TMEM164: variants seen among roughly 807,000 people sequenced by gnomAD.
TMEM164 encodes the protein transmembrane protein 164, also known as RP13-360B22.2.
In TMEM164, 4 loss-of-function variants were observed where a neutral mutation model predicts 18.8. That is an observed-to-expected ratio of 0.21 (90% CI 0.10 to 0.49). The LOEUF (loss-of-function observed/expected upper bound fraction) is 0.49. Among genes scored for constraint, TMEM164 ranks in the 20% least tolerant of loss-of-function variants. The pLI is 0.98. For synonymous variants in TMEM164, 86 were observed against 101.7 expected (o/e 0.85, Z 0.93); for missense variants, 108 against 239.9 (o/e 0.45, Z 3.63).
At chrX:110,004,220 T>C (rs2147653123) in intron 2 of TMEM164, 56 bp downstream of exon 2, 1 of 1,132,172 alleles carries the variant, frequency 8.8e-7, no homozygotes, top group Non-Finnish European at 1.2e-6. Context: ...ATTTATGTGC[T>C]CAGGACACTC....
chrX:110,074,204 T>C (rs2065638371), intron 3 of TMEM164, among the ~76,000 whole-genome samples: 1 of 111,689 alleles, frequency 9.0e-6, no homozygotes, highest in African/African-American at 3.3e-5. Flanking sequence ...TGCATTTCTC[T>C]GTTAGTGATA....
At chrX:110,087,595 A>G (rs1297230927) in intron 3 of TMEM164, among the ~76,000 whole-genome samples, 1 of 111,359 alleles carries the variant, frequency 9.0e-6, no homozygotes, top group African/African-American at 3.3e-5. Context: ...TGTATGTATC[A>G]AGGGTGGGGG....
chrX:110,105,478 AC>A (rs2066176091), intron 3 of TMEM164, among the ~76,000 whole-genome samples: 1 of 109,012 alleles, frequency 9.2e-6, no homozygotes, highest in Non-Finnish European at 1.9e-5. Context: ...TAAAGTTAAA[AC>A]AAAGGCCTCT....
At chrX:110,156,542 G>A (rs1602724538) in intron 5 of TMEM164, among the ~76,000 whole-genome samples, 2 of 111,693 alleles carry the variant, frequency 1.8e-5, no homozygotes, top group Non-Finnish European at 3.8e-5. Context: ...ATCATTAACT[G>A]AGAAGAGGGC....
At chrX:110,029,760 G>C (rs1018747774) in intron 2 of TMEM164, among the ~76,000 whole-genome samples, 11 of 111,105 alleles carry the variant, frequency 9.9e-5, no homozygotes, top group Admixed American at 7.7e-4. Context: ...TTATTTTCAT[G>C]CTCTGTTAGG....
intron 4 of TMEM164, among the ~76,000 whole-genome samples, chrX:110,114,639 A>C (rs942392484): frequency 1.4e-4 from 16 of 111,432 alleles, no homozygotes; most frequent in African/African-American, 4.9e-4. Context: ...TCTGCTTTTC[A>C]CCCTCTAACC....
chrX:110,022,215 G>C (rs1460208958), intron 2 of TMEM164, among the ~76,000 whole-genome samples: 5 of 111,829 alleles, frequency 4.5e-5, no homozygotes, highest in Non-Finnish European at 7.5e-5. Context: ...GTGTGTGTGT[G>C]TGTGTATTGA....
At chrX:110,090,602 A>T (rs1163297658) in intron 3 of TMEM164, among the ~76,000 whole-genome samples, 2 of 112,052 alleles carry the variant, frequency 1.8e-5, no homozygotes, top group Non-Finnish European at 3.8e-5. Flanking sequence ...GGCGTGAGCC[A>T]CTGCACCTGG....
intron 3 of TMEM164, among the ~76,000 whole-genome samples, chrX:110,073,141 C>T (rs988264955): frequency 9.0e-6 from 1 of 111,583 alleles, no homozygotes. Flanking sequence ...AAGTGATCCT[C>T]CTGCCTCAGC....
intron 2 of TMEM164, chrX:110,020,804 T>C (rs906724049): frequency 1.7e-5 from 8 of 462,043 alleles, no homozygotes; most frequent in Non-Finnish European, 2.1e-5. Flanking sequence ...ATACAGAACA[T>C]TGGGAAACAA....
chrX:110,167,940 G>A (rs1275758499), intron 5 of TMEM164, among the ~76,000 whole-genome samples: 2 of 112,064 alleles, frequency 1.8e-5, no homozygotes, highest in Non-Finnish European at 3.8e-5. Context: ...TCTGCAGCAT[G>A]GGGCAAGACG....
intron 2 of TMEM164, among the ~76,000 whole-genome samples, chrX:110,032,896 A>C (rs1250455165): frequency 8.9e-6 from 1 of 112,226 alleles, no homozygotes; most frequent in East Asian, 2.8e-4. Flanking sequence ...ATGGAAGATT[A>C]TGGCCAATTT....
intron 3 of TMEM164, among the ~76,000 whole-genome samples, chrX:110,073,016 C>A (rs1351926479): frequency 9.1e-6 from 1 of 110,028 alleles, no homozygotes; most frequent in African/African-American, 3.3e-5. Context: ...CTTGTAGTCC[C>A]CATTGTTTGT....
chrX:110,170,211 G>C (rs1468046336), intron 5 of TMEM164, among the ~76,000 whole-genome samples: 1 of 112,411 alleles, frequency 8.9e-6, no homozygotes, highest in East Asian at 2.8e-4. Flanking sequence ...GTCCTTCTGG[G>C]CTTTGCACCA....
intron 3 of TMEM164, 87 bp from the exon 4 acceptor site, chrX:110,108,993 A>G: frequency 1.1e-6 from 1 of 881,273 alleles, no homozygotes; most frequent in African/African-American, 2.0e-5. Context: ...TCTCTTCCAT[A>G]TGCCGTGGCT....
intron 3 of TMEM164, among the ~76,000 whole-genome samples, chrX:110,070,485 A>C (rs780226727): frequency 8.0e-5 from 9 of 111,918 alleles, no homozygotes; most frequent in African/African-American, 2.9e-4. Flanking sequence ...TTTATCTAAG[A>C]AATGGTATTT....
At chrX:110,013,322 G>C (rs1430024147) in intron 2 of TMEM164, among the ~76,000 whole-genome samples, 1 of 112,171 alleles carries the variant, frequency 8.9e-6, no homozygotes, top group Admixed American at 9.4e-5. Context: ...GCACATTAAG[G>C]CCCTTAACTA....
intron 3 of TMEM164, among the ~76,000 whole-genome samples, chrX:110,099,045 A>G (rs1018671803): frequency 3.9e-5 from 4 of 101,494 alleles, no homozygotes; most frequent in Admixed American, 1.1e-4. Context: ...TGATCTGCCC[A>G]CCTTGGCCTC....
intron 4 of TMEM164, among the ~76,000 whole-genome samples, chrX:110,121,978 T>A (rs779933749): frequency 2.6e-4 from 29 of 112,119 alleles, no homozygotes; most frequent in African/African-American, 8.1e-4. Context: ...TACTTACCAG[T>A]TGAGCATCCC....
Sources: allele counts gnomAD v4.1 joint callset (sites outside exome capture counted in the v4.1 genomes callset), GRCh38; gene constraint gnomAD v4.1.1; transcripts MANE v1.5; gene names NCBI Gene and HGNC (gene_info 2026-07-23, HGNC 2026-07-21).